The following EEFSEC variants were observed in gnomAD, a reference collection of about 807,000 sequenced individuals.
The protein encoded by EEFSEC is selenocysteine-specific elongation factor.
In EEFSEC, 43 loss-of-function variants were observed where a neutral mutation model predicts 42.1. The observed-to-expected ratio is 1.02, with a 90% CI of 0.80 to 1.32. The LOEUF is 1.32. Among genes scored for constraint, EEFSEC ranks in the 40% most tolerant of loss-of-function variants. EEFSEC has a pLI of 0.00. For missense variants in EEFSEC, 745 were observed against 803.6 expected, an observed-to-expected ratio of 0.93 and a Z score of 0.88; for synonymous variants, 354 against 339.1, an observed-to-expected ratio of 1.04 and a Z score of -0.48.
chr3:128,179,237 C>T (rs997565952), intron 1 of EEFSEC, among the ~76,000 whole-genome samples: 1 of 152,148 alleles, frequency 6.6e-6, no homozygotes, highest in East Asian at 1.9e-4. Flanking sequence ...ATGTTCTGTG[C>T]AGGCGAAATG....
In EEFSEC at chr3:128,205,433, G is replaced by C. The variant is rs1056441427; in HGVS notation, c.317-41403G>C. Among the ~76,000 whole-genome samples the C allele has an allele frequency of 2.0e-5, 3 of 152,122 alleles. No individual in the cohort carries two copies. In the East Asian group the frequency reaches 5.8e-4, roughly 29 times the overall value. ...GAGCAAGGCTGGACTCCTGCTGCGG[G>C]GGTGCCCTTGAGGAAGAGTCCCAGG... On this transcript the variant is annotated intron_variant, in intron 1 of 6. Coordinates refer to ENST00000254730, the MANE Select transcript of EEFSEC (RefSeq NM_021937.5).
chr3:128,420,462 C>T, the EEFSEC span, among the ~76,000 whole-genome samples: 1 of 152,206 alleles, frequency 6.6e-6, no homozygotes, highest in East Asian at 1.9e-4. Flanking sequence ...CAGCCTGGAC[C>T]ACCTGCCTCC....
chr3:128,271,899 C>T (rs934022865), intron 4 of EEFSEC, among the ~76,000 whole-genome samples: 3 of 152,272 alleles, frequency 2.0e-5, no homozygotes, highest in African/African-American at 7.2e-5. Context: ...GCACGGAAGG[C>T]AGAGCATAGC....
At chr3:128,250,777 T>C (rs945304911) in intron 2 of EEFSEC, among the ~76,000 whole-genome samples, 5 of 152,178 alleles carry the variant, frequency 3.3e-5, no homozygotes, top group Non-Finnish European at 7.4e-5. Flanking sequence ...GTGGAAAGGT[T>C]GTTGGAATTT....
chr3:128,250,104 G>A (rs1396853009), intron 2 of EEFSEC, among the ~76,000 whole-genome samples: 1 of 151,936 alleles, frequency 6.6e-6, no homozygotes, highest in Non-Finnish European at 1.5e-5. Flanking sequence ...GTTGTTTTCT[G>A]TTGTTGTTGT....
At chr3:128,370,332 C>G (rs866853046) in intron 6 of EEFSEC, among the ~76,000 whole-genome samples, 2 of 152,152 alleles carry the variant, frequency 1.3e-5, no homozygotes, top group Non-Finnish European at 2.9e-5. Flanking sequence ...AGACAGAGCC[C>G]AGGCCCAGAG....
At chr3:128,304,100 G>A (rs1286652153) in intron 4 of EEFSEC, among the ~76,000 whole-genome samples, 1 of 149,196 alleles carries the variant, frequency 6.7e-6, no homozygotes, top group Non-Finnish European at 1.5e-5. Flanking sequence ...TTCTGGAAAG[G>A]CTAGTCCCTG....
In EEFSEC at chr3:128,182,087, A is replaced by G. The variant is rs544987240; in HGVS notation, c.316+28264A>G. 2.3e-3 allele frequency among the ~76,000 whole-genome samples: 353 copies of G among 152,336 alleles called. 1 individual carries two copies. Among genetic ancestry groups the G allele is most frequent in the African/African-American group, 8.1e-3 (338 of 41,592 alleles). The stretch of plus-strand genomic sequence containing the variant: ...CTTGGGCTCCCAAAGTGCCGGGATT[A>G]CAGGCATGAGCCACTGTGCCTGGCC... On this transcript the variant is annotated intron_variant, in intron 1 of 6. Coordinates refer to ENST00000254730, the MANE Select transcript of EEFSEC (RefSeq NM_021937.5).
At chr3:128,222,126 G>A (rs560817391) in intron 1 of EEFSEC, among the ~76,000 whole-genome samples, 18 of 140,346 alleles carry the variant, frequency 1.3e-4, no homozygotes, top group African/African-American at 4.3e-4. Flanking sequence ...CTCCCCCTCC[G>A]GGGTTCAAGC....
chr3:128,401,286 C>T (rs577128537), intron 6 of EEFSEC, among the ~76,000 whole-genome samples: 3 of 152,336 alleles, frequency 2.0e-5, no homozygotes, highest in South Asian at 2.1e-4. Context: ...TTCTTCCCTC[C>T]GCTGTCCTGC....
At chr3:128,400,241 G>A (rs1397585783) in intron 6 of EEFSEC, among the ~76,000 whole-genome samples, 2 of 152,188 alleles carry the variant, frequency 1.3e-5, no homozygotes, top group Admixed American at 6.5e-5. Flanking sequence ...ACCTTGGGGT[G>A]GAGGGGAACT....
chr3:128,410,476 G>T (rs115597140), downstream of EEFSEC, among the ~76,000 whole-genome samples: 6,616 of 152,262 alleles, frequency 0.043, 486 homozygotes, highest in African/African-American at 0.15. Context: ...GGAGCCATGG[G>T]AGCTGGCTCT....
chr3:128,382,511 A>T lies in EEFSEC; in HGVS notation c.1600+24138A>T, dbSNP rs537188908. Among the ~76,000 whole-genome samples the T allele has an allele frequency of 5.9e-5, 9 of 152,248 alleles. No homozygotes were observed. The South Asian group carries it at 1.7e-3, about 28-fold the overall frequency. ...GTGTGTTTTTGACAGGGGGGAGGTG[A>T]GTGAGAGGCCAGCTTCCTGACAGGG... is the stretch of plus-strand genomic sequence containing the variant. On this transcript the variant is annotated intron_variant, in intron 6 of 6. Coordinates refer to ENST00000254730, the MANE Select transcript of EEFSEC (RefSeq NM_021937.5).
In EEFSEC at chr3:128,246,967, C is replaced by A. The variant is rs746884649; in HGVS notation, c.448C>A (p.Leu150Ile). The A allele has an allele frequency of 1.2e-6, 2 of 1,614,072 alleles. No individual in the cohort carries two copies. The highest frequency in any genetic ancestry group is 3.3e-5 in the Admixed American group (2 of 60,004). The change falls in exon 2 of 7, where the codon CTC becomes ATC. Residue 150 changes from leucine to isoleucine, a missense_variant. Transcript: ENST00000254730. ...KLVVVLNKID[L>I]LPEGKRQAAI... ...GGTCGTGGTGCTGAACAAAATAGACCTCTTACCTGAAGGAAAGAGACAGGC... is the reference window on the plus strand; with the variant it reads ...GGTCGTGGTGCTGAACAAAATAGACATCTTACCTGAAGGAAAGAGACAGGC...
intron 4 of EEFSEC, among the ~76,000 whole-genome samples, chr3:128,304,206 C>A (rs1696821821): frequency 6.6e-6 from 1 of 151,316 alleles, no homozygotes; most frequent in Admixed American, 6.6e-5. Flanking sequence ...TTTTAATTGC[C>A]AAAAAATAAT....
At chr3:128,307,910 C>T (rs956015226) in intron 4 of EEFSEC, among the ~76,000 whole-genome samples, 2 of 152,202 alleles carry the variant, frequency 1.3e-5, no homozygotes, top group Admixed American at 6.5e-5. Context: ...CCCTGTAGGC[C>T]TCTCCTGGGC....
chr3:128,412,196 G>C (rs921980269), downstream of EEFSEC, among the ~76,000 whole-genome samples: 3 of 152,234 alleles, frequency 2.0e-5, no homozygotes. Context: ...GGTTAGTGGG[G>C]CCTCTTCTCC....
chr3:128,363,922 G>A (rs1475736112), intron 6 of EEFSEC, among the ~76,000 whole-genome samples: 1 of 152,150 alleles, frequency 6.6e-6, no homozygotes, highest in Non-Finnish European at 1.5e-5. Flanking sequence ...CAGCAATGCG[G>A]GCAGACACCA....
chr3:128,404,275 A>AT (rs2068083504), intron 6 of EEFSEC, among the ~76,000 whole-genome samples: 1 of 152,238 alleles, frequency 6.6e-6, no homozygotes, highest in Non-Finnish European at 1.5e-5. Flanking sequence ...CGGCCAGTCC[A>AT]TAATAGAGCA....
Sources: gnomAD v4.1 joint callset for allele counts (sites outside exome capture counted in the v4.1 genomes callset) on GRCh38, gnomAD v4.1.1 for gene constraint, MANE v1.5 for transcripts, NCBI Gene and HGNC (gene_info 2026-07-23, HGNC 2026-07-21) for gene names.